Variants in DENND2B observed in about 807,000 individuals in gnomAD.
The protein encoded by DENND2B is DENN domain containing 2B.
In DENND2B, 32 loss-of-function variants were observed where a neutral mutation model predicts 116.0. That is an observed-to-expected ratio of 0.28 (90% CI 0.21 to 0.37). The LOEUF (loss-of-function observed/expected upper bound fraction) is 0.37, where lower values mean the gene tolerates loss of function less well. Ranked by LOEUF, DENND2B falls within the 10% of genes least tolerant of loss-of-function variation. DENND2B has a pLI of 1.00. For missense variants in DENND2B, 1,276 were observed against 1,477.7 expected (o/e 0.86, Z 2.24); for synonymous variants, 588 against 583.9 (o/e 1.01, Z -0.10).
chr11:8,884,319 TTTTTG>T (rs2063936140), intron 1 of DENND2B, among the ~76,000 whole-genome samples: 1 of 152,086 alleles, frequency 6.6e-6, no homozygotes, highest in Non-Finnish European at 1.5e-5. Context: ...TTCCTTTGTT[TTTTTG>T]TTGTTGTTGT....
chr11:8,754,029 G>GTGCACACACACA (rs1555169750), intron 1 of DENND2B, among the ~76,000 whole-genome samples: 155 of 138,828 alleles, frequency 1.1e-3, no homozygotes, highest in Non-Finnish European at 2.0e-3. Flanking sequence ...CCAAAAGCGC[G>GTGCACACACACA]CACACACACA....
chr11:8,875,286 G>T (rs2063830336), upstream of DENND2B, among the ~76,000 whole-genome samples: 3 of 150,124 alleles, frequency 2.0e-5, no homozygotes, highest in African/African-American at 4.9e-5. Context: ...TCGCGCCACT[G>T]CACTCCAGCC....
chr11:8,886,787 G>A (rs183017334), intron 1 of DENND2B, among the ~76,000 whole-genome samples: 23 of 152,006 alleles, frequency 1.5e-4, no homozygotes, highest in Admixed American at 1.2e-3. Flanking sequence ...AAATCTTACC[G>A]TTCCATTAAT....
At chr11:8,741,880 C>G (rs1565808278) in intron 2 of DENND2B, among the ~76,000 whole-genome samples, 1 of 151,884 alleles carries the variant, frequency 6.6e-6, no homozygotes, top group Non-Finnish European at 1.5e-5. Context: ...CCACCACAAG[C>G]CTTGAAGTCT....
At chr11:8,743,753 C>T (rs181519295) in intron 2 of DENND2B, among the ~76,000 whole-genome samples, 5,428 of 144,276 alleles carry the variant, frequency 0.038, 157 homozygotes, top group African/African-American at 0.08. Context: ...TTATCTCTTC[C>T]TTTTTTTTTT....
intron 3 of DENND2B, among the ~76,000 whole-genome samples, chr11:8,842,983 C>G (rs944258354): frequency 6.6e-6 from 1 of 150,784 alleles, no homozygotes; most frequent in Middle Eastern, 3.2e-3. Context: ...CTAAGGATCT[C>G]AAATTTTGGC....
At chr11:8,901,950 T>C (rs1170312607) in intron 1 of DENND2B, among the ~76,000 whole-genome samples, 1 of 152,210 alleles carries the variant, frequency 6.6e-6, no homozygotes, top group Non-Finnish European at 1.5e-5. Flanking sequence ...TGGATGGAGT[T>C]TCCTATAGGT....
chr11:8,727,584 TG>T (rs2047293198), intron 3 of DENND2B, among the ~76,000 whole-genome samples: 1 of 152,222 alleles, frequency 6.6e-6, no homozygotes, highest in Non-Finnish European at 1.5e-5. Flanking sequence ...CAAATATCCA[TG>T]GGCCATTGCC....
At chr11:8,820,238 A>AT in intron 4 of DENND2B, among the ~76,000 whole-genome samples, 1 of 152,200 alleles carries the variant, frequency 6.6e-6, no homozygotes, top group African/African-American at 2.4e-5. Context: ...TTCTGTTAAA[A>AT]AATATATATA....
intron 2 of DENND2B, among the ~76,000 whole-genome samples, chr11:8,746,530 A>G (rs960575443): frequency 6.6e-5 from 10 of 152,244 alleles, no homozygotes; most frequent in Admixed American, 5.2e-4. Flanking sequence ...TTTATGAGAT[A>G]CTATATGATA....
chr11:8,699,566 G>A (rs2041116034), intron 14 of DENND2B, among the ~76,000 whole-genome samples, 176 bp from the exon 15 acceptor site: 1 of 152,186 alleles, frequency 6.6e-6, no homozygotes, highest in South Asian at 2.1e-4. Flanking sequence ...AGCGCCTCAA[G>A]GACAACAATG....
upstream of DENND2B, among the ~76,000 whole-genome samples, chr11:8,812,451 AAGTT>A (rs1334472755): frequency 2.6e-5 from 4 of 152,352 alleles, no homozygotes; most frequent in East Asian, 7.7e-4. Context: ...ACAGGTCTGA[AAGTT>A]AGGATTGGCA....
At chr11:8,888,082 C>T (rs1398263569) in intron 1 of DENND2B, among the ~76,000 whole-genome samples, 1 of 152,194 alleles carries the variant, frequency 6.6e-6, no homozygotes, top group Non-Finnish European at 1.5e-5. Context: ...TGCACAGCAG[C>T]ATCTGTCTGA....
chr11:8,902,867 T>G (rs2064186778), intron 1 of DENND2B, among the ~76,000 whole-genome samples: 1 of 152,204 alleles, frequency 6.6e-6, no homozygotes, highest in Non-Finnish European at 1.5e-5. Flanking sequence ...GTTGAGACCA[T>G]TCACATTTAA....
In DENND2B at chr11:8,730,515, G is replaced by A. The variant is rs772057391; in HGVS notation, c.775C>T (p.Arg259Trp). Residue 259 changes from arginine to tryptophan, a missense_variant, in exon 3 of 20, where the codon CGG (arginine) becomes TGG (tryptophan). By Grantham distance (101) the Arg-to-Trp change is moderately radical. Transcript: ENST00000313726. The surrounding 1 kb of genome is among the most constrained non-coding windows in gnomAD (Gnocchi z 4.1). The part of the protein sequence containing the change: ...VRDSFYRLEK[R>W]LGRSEPSAFL... ...GCGCTGGGCTCACTCCGGCCCAGCC[G>A]TTTCTCCAGCCGGTAGAAAGAGTCC... 3.7e-6 allele frequency: 6 copies of A among 1,612,680 alleles called. No homozygotes were observed. Among genetic ancestry groups the A allele is most frequent in the African/African-American group, 1.3e-5 (1 of 74,946 alleles).
At chr11:8,862,459 T>A (rs2063429538) in intron 2 of DENND2B, among the ~76,000 whole-genome samples, 1 of 151,548 alleles carries the variant, frequency 6.6e-6, no homozygotes, top group East Asian at 1.9e-4. Context: ...CTCAGCCTCC[T>A]GAGTAGCTAG....
chr11:8,814,174 C>A (rs1472722587), upstream of DENND2B, among the ~76,000 whole-genome samples: 1 of 151,956 alleles, frequency 6.6e-6, no homozygotes, highest in Non-Finnish European at 1.5e-5. Context: ...ACCTCTGATG[C>A]TACCCATCTC....
At chr11:8,806,809 T>G (rs554807916) in intron 1 of DENND2B, among the ~76,000 whole-genome samples, 1 of 151,840 alleles carries the variant, frequency 6.6e-6, no homozygotes, top group Admixed American at 6.6e-5. Flanking sequence ...AACAAATGCC[T>G]AGCCTCCCCA....
intron 11 of DENND2B, among the ~76,000 whole-genome samples, chr11:8,710,302 T>C (rs898967067): frequency 6.6e-6 from 1 of 152,124 alleles, no homozygotes; most frequent in African/African-American, 2.4e-5. Flanking sequence ...CCTAATCCCT[T>C]TCCCCTAGAT....
Sources: gnomAD v4.1 joint callset for allele counts (sites outside exome capture counted in the v4.1 genomes callset) on GRCh38, gnomAD v4.1.1 for gene constraint, Gnocchi (gnomAD v3.1) non-coding constraint, MANE v1.5 for transcripts, NCBI Gene and HGNC (gene_info 2026-07-23, HGNC 2026-07-21) for gene names.